The following VEPH1 variants were observed in gnomAD, a reference collection of about 807,000 sequenced individuals.
VEPH1 encodes ventricular zone expressed PH domain containing 1, also known as ventricular zone-expressed PH domain-containing protein homolog 1.
A neutral mutation model predicts 85.2 loss-of-function variants in VEPH1; 80 were observed. The observed-to-expected ratio is 0.94, with a 90% CI of 0.78 to 1.13. VEPH1 has a LOEUF of 1.13. Ranked by LOEUF, VEPH1 falls within the 50% of genes most tolerant of loss-of-function variation. The pLI, the probability that VEPH1 is intolerant of heterozygous loss-of-function variation, is 0.00. For missense variants in VEPH1, 955 were observed against 980.5 expected (o/e 0.97, Z 0.35); for synonymous variants, 297 against 348.0 (o/e 0.85, Z 1.63).
chr3:157,373,734 T>C (rs981966220), intron 7 of VEPH1, among the ~76,000 whole-genome samples: 1 of 152,216 alleles, frequency 6.6e-6, no homozygotes, highest in African/African-American at 2.4e-5. Flanking sequence ...TTGCTTGAAA[T>C]GGGAAGCCAG....
At chr3:157,494,565 A>G (rs555528800) in intron 2 of VEPH1, among the ~76,000 whole-genome samples, 51 of 152,318 alleles carry the variant, frequency 3.3e-4, no homozygotes, top group Admixed American at 3.1e-3. Flanking sequence ...GGGAGGTTTT[A>G]CATCTGTCTG....
At chr3:157,271,712 G>A (rs1714573802) in intron 12 of VEPH1, among the ~76,000 whole-genome samples, 1 of 152,104 alleles carries the variant, frequency 6.6e-6, no homozygotes, top group South Asian at 2.1e-4. Context: ...AGCTAAAAGA[G>A]CCTATTGAAA....
intron 4 of VEPH1, among the ~76,000 whole-genome samples, chr3:157,435,631 C>G (rs1444954076): frequency 6.6e-6 from 1 of 152,224 alleles, no homozygotes; most frequent in Non-Finnish European, 1.5e-5. Context: ...TAACCCCTAT[C>G]TCACTTCACT....
intron 11 of VEPH1, among the ~76,000 whole-genome samples, chr3:157,311,454 A>G (rs1001154826): frequency 3.9e-5 from 6 of 152,246 alleles, no homozygotes; most frequent in African/African-American, 1.4e-4. Flanking sequence ...AATTTAGTAC[A>G]GAGAACATTT....
chr3:157,312,388 C>T (rs62281379), intron 11 of VEPH1, among the ~76,000 whole-genome samples: 33,872 of 152,152 alleles, frequency 0.22, 4,612 homozygotes, highest in Admixed American at 0.41. Context: ...GCAATCCAGT[C>T]TTCTGCCATG....
chr3:157,475,156 T>A (rs1357076384), intron 2 of VEPH1, among the ~76,000 whole-genome samples: 6 of 68,458 alleles, frequency 8.8e-5, no homozygotes, highest in African/African-American at 7.1e-4. Context: ...ATTTTTTTAA[T>A]TTTTTTTTTT....
At chr3:157,432,998 T>C (rs1193258391) in intron 4 of VEPH1, among the ~76,000 whole-genome samples, 4 of 152,174 alleles carry the variant, frequency 2.6e-5, no homozygotes, top group Non-Finnish European at 5.9e-5. Flanking sequence ...CTACTGTAAA[T>C]GAAAACTTTA....
At chr3:157,305,405 C>T (rs186386807) in intron 11 of VEPH1, among the ~76,000 whole-genome samples, 95 of 152,240 alleles carry the variant, frequency 6.2e-4, no homozygotes, top group Non-Finnish European at 1.1e-3. Context: ...CCACCGCGCC[C>T]GGCCTCTATC....
intron 10 of VEPH1, 135 bp from the exon 11 acceptor site, chr3:157,313,890 A>T (rs189074613): frequency 8.7e-7 from 1 of 1,155,980 alleles, no homozygotes; most frequent in East Asian, 2.5e-5. Flanking sequence ...CAAGAAAAAG[A>T]TCTGTCTTAA....
At chr3:157,409,634 G>T (rs775886865) in intron 6 of VEPH1, 9 of 985,264 alleles carry the variant, frequency 9.1e-6, no homozygotes, top group Non-Finnish European at 9.6e-6. Flanking sequence ...ATGTAATATA[G>T]ATGGAAAAAT....
chr3:157,382,649 C>T (rs1168440637), intron 6 of VEPH1, among the ~76,000 whole-genome samples: 1 of 151,932 alleles, frequency 6.6e-6, no homozygotes, highest in Non-Finnish European at 1.5e-5. Flanking sequence ...GCTCACAATC[C>T]TTCTGACTAA....
intron 3 of VEPH1, among the ~76,000 whole-genome samples, chr3:157,464,951 T>G (rs1423666996): frequency 6.6e-6 from 1 of 152,208 alleles, no homozygotes; most frequent in Non-Finnish European, 1.5e-5. Flanking sequence ...ATAAAATGGT[T>G]CATTCTTCCC....
rs1037413994 is a variant in VEPH1, at chr3:157,427,342, A to C, written c.696+980T>G. ...ACCATCTTGGCCAGGCTGGTCTTGAACTCCTGACCTTGTGATCCACCAGCC... is the reference window on the plus strand; with the variant it reads ...ACCATCTTGGCCAGGCTGGTCTTGACCTCCTGACCTTGTGATCCACCAGCC... On this transcript the variant is annotated intron_variant, in intron 5 of 13. Coordinates refer to ENST00000362010, the MANE Select transcript of VEPH1 (RefSeq NM_001167912.2). Among the ~76,000 whole-genome samples the C allele has an allele frequency of 2.9e-4, 44 of 150,408 alleles. 1 individual carries two copies. Among genetic ancestry groups the C allele is most frequent in the Non-Finnish European group, 3.0e-5 (2 of 67,542 alleles).
intron 6 of VEPH1, among the ~76,000 whole-genome samples, chr3:157,389,434 C>T (rs1295116602): frequency 2.0e-5 from 3 of 152,152 alleles, no homozygotes; most frequent in Non-Finnish European, 4.4e-5. Context: ...ACCAAGACAG[C>T]AGGGCATCAC....
chr3:157,448,225 G>A (rs1193018957), intron 4 of VEPH1, among the ~76,000 whole-genome samples: 1 of 152,040 alleles, frequency 6.6e-6, no homozygotes, highest in African/African-American at 2.4e-5. Context: ...TAACTAGACA[G>A]TATTTTCCAG....
chr3:157,465,886 A>C (rs779679207), intron 3 of VEPH1, among the ~76,000 whole-genome samples: 7 of 152,182 alleles, frequency 4.6e-5, no homozygotes, highest in Non-Finnish European at 7.4e-5. Context: ...TGCAGTCATC[A>C]ACAGTGGTAG....
chr3:157,416,407 A>G (rs1239370057), intron 5 of VEPH1, among the ~76,000 whole-genome samples: 1 of 152,222 alleles, frequency 6.6e-6, no homozygotes, highest in Non-Finnish European at 1.5e-5. Flanking sequence ...ATGAATGCAC[A>G]GTTCTACAAA....
At chr3:157,364,711 AC>A (rs1412683907) in intron 7 of VEPH1, among the ~76,000 whole-genome samples, 199 bp from the exon 8 acceptor site, 1 of 152,242 alleles carries the variant, frequency 6.6e-6, no homozygotes, top group Non-Finnish European at 1.5e-5. Flanking sequence ...AAATTTAGAA[AC>A]AGTGGTGTTT....
At chr3:157,294,100 A>G (rs923510307) in intron 11 of VEPH1, among the ~76,000 whole-genome samples, 1 of 152,184 alleles carries the variant, frequency 6.6e-6, no homozygotes, top group Non-Finnish European at 1.5e-5. Context: ...GTGGTACTAT[A>G]CTACAGAGAA....
Sources: allele counts gnomAD v4.1 joint callset (sites outside exome capture counted in the v4.1 genomes callset), GRCh38; gene constraint gnomAD v4.1.1; transcripts MANE v1.5; gene names NCBI Gene and HGNC (gene_info 2026-07-23, HGNC 2026-07-21).